NEDD4L: variants seen among roughly 807,000 people sequenced by gnomAD.
NEDD4L encodes NEDD4 like E3 ubiquitin protein ligase, also known as E3 ubiquitin-protein ligase NEDD4-like.
In NEDD4L, 54 loss-of-function variants were observed where a neutral mutation model predicts 148.9. That is an observed-to-expected ratio of 0.36 (90% CI 0.29 to 0.45). The LOEUF is 0.45. NEDD4L is among the 20% of genes least tolerant of loss of function. NEDD4L has a pLI of 1.00. For synonymous variants in NEDD4L, 433 were observed against 440.7 expected (o/e 0.98, Z 0.22); for missense variants, 856 against 1,233.8 (o/e 0.69, Z 4.59).
chr18:58,394,519 G>C (rs2050236931), intron 30 of NEDD4L, among the ~76,000 whole-genome samples: 1 of 152,248 alleles, frequency 6.6e-6, no homozygotes, highest in South Asian at 2.1e-4. Flanking sequence ...GCCACTTTCG[G>C]TGAAAGGCTC....
At chr18:58,374,742 C>T (rs1289203321) in intron 24 of NEDD4L, among the ~76,000 whole-genome samples, 1 of 152,170 alleles carries the variant, frequency 6.6e-6, no homozygotes, top group African/African-American at 2.4e-5. Context: ...TCTCACCCCT[C>T]CCCACTGGTC....
intron 9 of NEDD4L, among the ~76,000 whole-genome samples, chr18:58,326,691 G>A (rs2059340106): frequency 6.6e-6 from 1 of 152,112 alleles, no homozygotes; most frequent in Admixed American, 6.6e-5. Context: ...CAGAAAAGTG[G>A]CCAGGAGCAA....
intron 5 of NEDD4L, among the ~76,000 whole-genome samples, chr18:58,273,187 C>G (rs1235553562): frequency 1.3e-5 from 2 of 152,206 alleles, no homozygotes; most frequent in African/African-American, 4.8e-5. Context: ...TAGGGGAAAA[C>G]AGGGGCCCCT....
At chr18:58,147,799 G>C (rs1036998106) in intron 1 of NEDD4L, among the ~76,000 whole-genome samples, 1 of 152,140 alleles carries the variant, frequency 6.6e-6, no homozygotes, top group African/African-American at 2.4e-5. Context: ...GGCTTTGAAT[G>C]CCCTTTTCAT....
At chr18:58,304,091 A>G (rs2056798797) in intron 5 of NEDD4L, among the ~76,000 whole-genome samples, 1 of 152,056 alleles carries the variant, frequency 6.6e-6, no homozygotes, top group South Asian at 2.1e-4. Context: ...GAGGGGTGAG[A>G]GTTGCTGCTA....
At chr18:58,357,317 T>C (rs774009699) in intron 19 of NEDD4L, 65 bp downstream of exon 19, 4 of 1,325,938 alleles carry the variant, frequency 3.0e-6, no homozygotes, top group East Asian at 4.6e-5. Context: ...GTGTTTCTTG[T>C]GTATTACTGA....
At chr18:58,203,264 G>A (rs763626754) in intron 2 of NEDD4L, among the ~76,000 whole-genome samples, 2 of 152,142 alleles carry the variant, frequency 1.3e-5, no homozygotes, top group Non-Finnish European at 2.9e-5. Context: ...GCCGCACCTG[G>A]CCCTCAGTGC....
chr18:58,329,013 G>C lies in NEDD4L; in HGVS notation c.699G>C (p.Ser233=). 2.5e-6 allele frequency: 4 copies of C among 1,613,972 alleles called. No homozygotes were observed. The highest frequency in any genetic ancestry group is 3.4e-6 in the Non-Finnish European group (4 of 1,179,872). ...RPSLMDVSSE[S]DNNIRQINQE... Reference sequence around the variant, plus strand: ...TGCTCAGGGACGTGTCCTCGGAGTCGGACAATAACATCAGACAGATCAACC... The same window carrying C: ...TGCTCAGGGACGTGTCCTCGGAGTCCGACAATAACATCAGACAGATCAACC... Residue 233 remains serine (S), a synonymous_variant, in exon 10 of 31, where the codon TCG becomes TCC. Coordinates refer to ENST00000400345, the MANE Select transcript of NEDD4L (RefSeq NM_001144967.3).
chr18:58,337,591 A>T (rs1265120236), intron 13 of NEDD4L, among the ~76,000 whole-genome samples: 1 of 152,052 alleles, frequency 6.6e-6, no homozygotes, highest in Non-Finnish European at 1.5e-5. Flanking sequence ...TTTAAATGGG[A>T]TGTCATGTAT....
intron 5 of NEDD4L, among the ~76,000 whole-genome samples, chr18:58,302,945 G>C (rs150262669): frequency 6.6e-6 from 1 of 152,224 alleles, no homozygotes; most frequent in Non-Finnish European, 1.5e-5. Flanking sequence ...CCTTGTAGTC[G>C]TCAGTAGAGG....
chr18:58,261,837 C>G (rs980269800), intron 5 of NEDD4L, among the ~76,000 whole-genome samples: 1 of 152,108 alleles, frequency 6.6e-6, no homozygotes, highest in Non-Finnish European at 1.5e-5. Context: ...GTTAGCTATC[C>G]TAAATACGTT....
intron 9 of NEDD4L, among the ~76,000 whole-genome samples, chr18:58,326,960 A>T (rs2059362962): frequency 6.6e-6 from 1 of 152,214 alleles, no homozygotes. Context: ...TACGTTAAAC[A>T]TGAACAGCTT....
intron 24 of NEDD4L, among the ~76,000 whole-genome samples, chr18:58,382,294 G>T (rs1429714470): frequency 2.6e-5 from 4 of 152,116 alleles, no homozygotes; most frequent in African/African-American, 9.7e-5. Flanking sequence ...CTCTGCCAGG[G>T]CATAGAGTTC....
Position 58,256,652 on chromosome 18 carries a change from C to A in NEDD4L, c.297+4598C>A. ...CCAGGGGTGCACATTTAAGATCAGG[C>A]AGGATCAGAACGCGGGGCAGCAGCA... On this transcript the variant is annotated intron_variant, in intron 5 of 30. Coordinates refer to ENST00000400345, the MANE Select transcript of NEDD4L (RefSeq NM_001144967.3). This position sits in a 1 kb window ranked among gnomAD's most constrained non-coding sequence, Gnocchi z 5.2. The A allele has an allele frequency of 8.1e-7, 1 of 1,232,168 alleles. No homozygotes were observed. Among genetic ancestry groups the A allele is most frequent in the Non-Finnish European group, 1.0e-6 (1 of 987,986 alleles). 76.3% of individuals were successfully genotyped at this position (1,232,168 alleles called of 1,614,324 possible).
chr18:58,153,334 CTTTTTTTTTT>C (rs58164854), intron 1 of NEDD4L, among the ~76,000 whole-genome samples: 1 of 128,160 alleles, frequency 7.8e-6, no homozygotes, highest in Non-Finnish European at 1.6e-5. Flanking sequence ...AAGAGATTGA[CTTTTTTTTTT>C]TTTTTTTTTT....
At chr18:58,231,155 T>G (rs1599973971) in intron 2 of NEDD4L, among the ~76,000 whole-genome samples, 1 of 140,878 alleles carries the variant, frequency 7.1e-6, no homozygotes. Context: ...GGGGCTGAGG[T>G]GGGAGAATTG....
intron 1 of NEDD4L, among the ~76,000 whole-genome samples, chr18:58,096,312 G>A (rs1161146318): frequency 6.6e-6 from 1 of 151,160 alleles, no homozygotes; most frequent in Non-Finnish European, 1.5e-5. Flanking sequence ...TATCTAAAAC[G>A]AATCCTCCTG....
intron 2 of NEDD4L, among the ~76,000 whole-genome samples, chr18:58,208,932 T>C (rs1327161166): frequency 6.6e-6 from 1 of 152,146 alleles, no homozygotes; most frequent in Non-Finnish European, 1.5e-5. Context: ...ACACTGATTC[T>C]AGATATTTAA....
intron 10 of NEDD4L, 54 bp from the exon 11 acceptor site, chr18:58,330,684 G>A: frequency 7.3e-7 from 1 of 1,369,778 alleles, no homozygotes; most frequent in Non-Finnish European, 9.7e-7. Context: ...TTGGGGAGCT[G>A]GGTGGATCCC....
Sources: gnomAD v4.1 joint callset for allele counts (sites outside exome capture counted in the v4.1 genomes callset) on GRCh38, gnomAD v4.1.1 for gene constraint, Gnocchi (gnomAD v3.1) non-coding constraint, MANE v1.5 for transcripts, NCBI Gene and HGNC (gene_info 2026-07-23, HGNC 2026-07-21) for gene names.